CAMSAP2: variants seen among roughly 807,000 people sequenced by gnomAD.
The protein encoded by CAMSAP2 is calmodulin regulated spectrin associated protein family member 2, also known as calmodulin-regulated spectrin-associated protein 2.
CAMSAP2 carries 26 observed loss-of-function variants against 146.1 expected under a neutral mutation model. The observed-to-expected ratio is 0.18, with a 90% CI of 0.13 to 0.25. The LOEUF is 0.25. CAMSAP2 is among the 10% of genes least tolerant of loss of function. The pLI is 1.00. For synonymous variants in CAMSAP2, 499 were observed against 596.6 expected, an observed-to-expected ratio of 0.84 and a Z score of 2.38; for missense variants, 1,381 against 1,759.3, an observed-to-expected ratio of 0.78 and a Z score of 3.85.
intron 2 of CAMSAP2, among the ~76,000 whole-genome samples, chr1:200,806,761 GTGTGTATCTATCTATC>G (rs1278146572): frequency 1.5e-5 from 2 of 129,562 alleles, no homozygotes; most frequent in Non-Finnish European, 3.4e-5. Context: ...GTGTGTGTGT[GTGTGTATCTATCTATC>G]TATCTATCTA....
chr1:200,759,462 G>A (rs1161495421), intron 1 of CAMSAP2, among the ~76,000 whole-genome samples: 2 of 152,016 alleles, frequency 1.3e-5, no homozygotes, highest in Non-Finnish European at 2.9e-5. Flanking sequence ...GTTTTTAGTA[G>A]AGAGGGGTTT....
At chr1:200,821,734 A>G (rs572358655) in intron 4 of CAMSAP2, among the ~76,000 whole-genome samples, 25 of 152,266 alleles carry the variant, frequency 1.6e-4, no homozygotes, top group Admixed American at 1.6e-3. Flanking sequence ...TACAGGAAAC[A>G]CAACAACCTA....
intron 2 of CAMSAP2, among the ~76,000 whole-genome samples, chr1:200,804,292 A>C (rs1213395267): frequency 6.6e-6 from 1 of 152,030 alleles, no homozygotes. Flanking sequence ...TATATATATA[A>C]AACAGTATTA....
In CAMSAP2 at chr1:200,766,732, G is replaced by A. The variant is rs550179086; in HGVS notation, c.399+5634G>A. The stretch of plus-strand genomic sequence containing the variant: ...ATCCTATGTTCTTAACCACTAAATT[G>A]TATTTTCGTCTTTGCCTAGGGAATA... On this transcript the variant is annotated intron_variant, in intron 2 of 16. Coordinates refer to ENST00000358823, the MANE Select transcript of CAMSAP2 (RefSeq NM_203459.4). Among the ~76,000 whole-genome samples, 474 of 152,060 alleles carry A rather than the reference G, an allele frequency of 3.1e-3. 5 individuals are homozygous for A. Among genetic ancestry groups the A allele is most frequent in the Non-Finnish European group, 5.8e-3 (394 of 68,006 alleles).
rs1235384045 is a variant in CAMSAP2, at chr1:200,848,694, A to G, written c.1925A>G (p.Asp642Gly). Residue 642 changes from aspartate (D) to glycine (G), a missense_variant, in exon 11 of 17, where the codon GAT becomes GGT. By Grantham distance (94) the Asp-to-Gly change is moderately conservative. This residue lies in a region of CAMSAP2 where 447 missense variants were observed against 462.2 expected (regional missense o/e 0.97). Transcript: ENST00000358823. ...GTAAGCTTGGACTCTGACATGGATG[A>G]TGCATCTAAATTTCTTCAGGATTAT... ...YTVSLDSDMDDASKFLQDYDI... is the reference protein window; with the variant it reads ...YTVSLDSDMDGASKFLQDYDI... 6.2e-7 allele frequency: 1 copy of G among 1,614,070 alleles called. No individual in the cohort carries two copies. The highest frequency in any genetic ancestry group is 8.5e-7 in the Non-Finnish European group (1 of 1,179,928).
intron 3 of CAMSAP2, among the ~76,000 whole-genome samples, chr1:200,810,725 C>G (rs1315556182): frequency 2.0e-5 from 3 of 151,430 alleles, no homozygotes; most frequent in African/African-American, 7.3e-5. Context: ...CCTGTCTCTA[C>G]TAAAAATACA....
In CAMSAP2 at chr1:200,847,409, G is replaced by GTTTTTT. The variant is rs1172525860; in HGVS notation, c.1192+119_1192+124dup. On this transcript the variant is annotated intron_variant, in intron 9 of 16. Transcript: ENST00000358823. ...GGTTTTTTTGTGTGTGTGTGTGTGT[G>GTTTTTT]TTTTTTTGTTTGTTTGTTTGTTTTC... 8.1e-6 allele frequency: 6 copies of GTTTTTT among 740,562 alleles called. No individual in the cohort carries two copies. In the African/African-American group the frequency reaches 9.2e-5, roughly 11 times the overall value. The allele number at this position is 740,562 out of a possible 1,614,324, so 45.9% of individuals were successfully genotyped here.
At chr1:200,824,804 C>A (rs1159607960) in intron 4 of CAMSAP2, among the ~76,000 whole-genome samples, 1 of 152,120 alleles carries the variant, frequency 6.6e-6, no homozygotes, top group East Asian at 1.9e-4. Context: ...CATGGTGAAA[C>A]CCCGTCTCTA....
At chr1:200,783,525 C>T (rs1251861715) in intron 2 of CAMSAP2, among the ~76,000 whole-genome samples, 1 of 152,022 alleles carries the variant, frequency 6.6e-6, no homozygotes, top group East Asian at 1.9e-4. Flanking sequence ...CTCTGTTGTC[C>T]AGGCTGGAGT....
intron 2 of CAMSAP2, among the ~76,000 whole-genome samples, chr1:200,786,296 T>C (rs1289282722): frequency 6.6e-6 from 1 of 152,134 alleles, no homozygotes; most frequent in Non-Finnish European, 1.5e-5. Flanking sequence ...TTTAAAAAAA[T>C]CTAGCTTCTT....
At chr1:200,841,887 C>A in intron 6 of CAMSAP2, 107 bp from the exon 7 acceptor site, 1 of 773,858 alleles carries the variant, frequency 1.3e-6, no homozygotes, top group Non-Finnish European at 2.2e-6. Flanking sequence ...AGTGAATATA[C>A]TCCAGTGATG....
Position 200,761,084 on chromosome 1 carries a change from A to C in CAMSAP2, c.385A>C (p.Lys129Gln). The C allele has an allele frequency of 6.2e-7, 1 of 1,614,152 alleles. No individual in the cohort carries two copies. Among genetic ancestry groups the C allele is most frequent in the Non-Finnish European group, 8.5e-7 (1 of 1,180,000 alleles). ...KLVTERDLHK[K>Q]PIQMSAHLAM... is the part of the protein sequence containing the mutation. ...GGTAACTGAACGAGATCTCCACAAG[A>C]AACCCATACAGATGGTGAGTCTTTA... The change falls in exon 2 of 17, where the codon AAA becomes CAA. Residue 129 changes from lysine to glutamine, a missense_variant. Physicochemically the swap from Lys to Gln is moderately conservative, Grantham distance 53. Around this residue, in one of 4 missense-constraint regions of CAMSAP2, gnomAD observed 284 missense variants for 406.9 expected, o/e 0.70. Transcript: ENST00000358823.
intron 11 of CAMSAP2, among the ~76,000 whole-genome samples, chr1:200,852,080 A>G (rs1225974512): frequency 4.6e-5 from 7 of 152,358 alleles, no homozygotes; most frequent in African/African-American, 1.7e-4. Context: ...CAGTACCTCA[A>G]CTTAAAATCA....
intron 1 of CAMSAP2, among the ~76,000 whole-genome samples, chr1:200,754,622 G>A (rs978617636): frequency 6.0e-5 from 7 of 116,922 alleles, no homozygotes; most frequent in East Asian, 2.7e-4. Flanking sequence ...TGGCTCTGTC[G>A]CCCAGGCTGG....
At position 200,848,663 on chromosome 1, in the gene CAMSAP2, T is replaced by G. The variant is rs145929460; in HGVS notation, c.1894T>G (p.Tyr632Asp). ...GGACGAAGATTCTTCGTTGAGAGAT[T>G]ATACTGTAAGCTTGGACTCTGACAT... ...TMDEDSSLRD[Y>D]TVSLDSDMDD... Residue 632 changes from tyrosine to aspartate, a missense_variant, in exon 11 of 17, where the codon TAT (tyrosine) becomes GAT (aspartate). This residue lies in a region of CAMSAP2 where 447 missense variants were observed against 462.2 expected (regional missense o/e 0.97). Transcript: ENST00000358823. The G allele has an allele frequency of 1.7e-5, 28 of 1,614,054 alleles. No homozygotes were observed. The highest frequency in any genetic ancestry group is 1.6e-4 in the Middle Eastern group (1 of 6,084).
At chr1:200,811,280 ACTT>A (rs1307825781) in intron 3 of CAMSAP2, among the ~76,000 whole-genome samples, 4 of 152,128 alleles carry the variant, frequency 2.6e-5, no homozygotes, top group East Asian at 3.9e-4. Context: ...TTCTCCCTGC[ACTT>A]CTTAGAATCT....
chr1:200,829,725 G>C (rs1245943879), intron 4 of CAMSAP2, among the ~76,000 whole-genome samples: 1 of 152,068 alleles, frequency 6.6e-6, no homozygotes, highest in Non-Finnish European at 1.5e-5. Context: ...CCAGGAGTTT[G>C]AGACCAGCCT....
intron 6 of CAMSAP2, among the ~76,000 whole-genome samples, chr1:200,836,452 A>G (rs1667186351): frequency 1.3e-5 from 2 of 152,188 alleles, no homozygotes; most frequent in South Asian, 4.1e-4. Context: ...ATAGTATTCC[A>G]TAGTGTATAT....
intron 2 of CAMSAP2, among the ~76,000 whole-genome samples, chr1:200,806,807 A>G (rs913757360): frequency 5.8e-5 from 8 of 138,296 alleles, no homozygotes; most frequent in Non-Finnish European, 1.3e-4. Context: ...CTATCTATCT[A>G]TCTATCTATG....
Sources: gnomAD v4.1 joint callset for allele counts (sites outside exome capture counted in the v4.1 genomes callset) on GRCh38, gnomAD v4.1.1 for gene constraint, gnomAD v4.1.1 regional missense constraint, MANE v1.5 for transcripts, NCBI Gene and HGNC (gene_info 2026-07-23, HGNC 2026-07-21) for gene names.